The following CPEB4 variants were observed in gnomAD, a reference collection of about 807,000 sequenced individuals.
The protein encoded by CPEB4 is cytoplasmic polyadenylation element-binding protein 4.
Under a neutral mutation model 72.5 loss-of-function variants are expected in CPEB4, and 12 were observed. That is an observed-to-expected ratio of 0.17 (90% CI 0.11 to 0.27). The LOEUF is 0.27. Ranked by LOEUF, CPEB4 falls within the 10% of genes least tolerant of loss-of-function variation. The probability of loss-of-function intolerance (pLI) is 1.00; values close to 1 mark genes in which losing one functional copy is unlikely to be tolerated. For missense variants in CPEB4, 614 were observed against 908.5 expected (o/e 0.68, Z 4.17); for synonymous variants, 302 against 326.3 (o/e 0.93, Z 0.80).
At chr5:173,911,424 G>A (rs1002489165) in intron 2 of CPEB4, among the ~76,000 whole-genome samples, 23 of 151,934 alleles carry the variant, frequency 1.5e-4, no homozygotes, top group Non-Finnish European at 3.1e-4. Context: ...TACCACGCCC[G>A]GCTCATTTTT....
intron 4 of CPEB4, 140 bp downstream of exon 4, chr5:173,943,189 T>A: frequency 1.3e-6 from 1 of 775,570 alleles, no homozygotes; most frequent in Non-Finnish European, 2.0e-6. Flanking sequence ...GTGTTACAGT[T>A]AACATTTTAG....
chr5:173,931,560 G>A (rs1245535232), intron 2 of CPEB4, among the ~76,000 whole-genome samples: 1 of 152,206 alleles, frequency 6.6e-6, no homozygotes, highest in Non-Finnish European at 1.5e-5. Flanking sequence ...CAAGGTGGGT[G>A]CAGATGGCAT....
chr5:173,914,956 G>A (rs1756812175), intron 2 of CPEB4, among the ~76,000 whole-genome samples: 2 of 151,988 alleles, frequency 1.3e-5, no homozygotes, highest in South Asian at 4.2e-4. Context: ...TTCCTCATAG[G>A]TATGCAGTTT....
At chr5:173,901,769 A>T (rs1756242218) in intron 1 of CPEB4, among the ~76,000 whole-genome samples, 1 of 152,224 alleles carries the variant, frequency 6.6e-6, no homozygotes, top group Admixed American at 6.5e-5. Context: ...ATGTTATGTA[A>T]TTCATGTAAG....
In CPEB4 at chr5:173,950,123, T is replaced by C; in HGVS notation, c.1665+45T>C. The C allele has an allele frequency of 1.2e-5, 14 of 1,176,122 alleles. No individual in the cohort carries two copies. The highest frequency in any genetic ancestry group is 1.7e-5 in the Non-Finnish European group (14 of 803,174). 72.9% of individuals were successfully genotyped at this position (1,176,122 alleles called of 1,614,324 possible). A position where few individuals can be genotyped will look rare whatever the true frequency, so the allele number is the denominator to read the frequency against. ...AAATAGCTTCTTGTTTTTGCCTCCA[T>C]TCATCTGTTATATTTGAAAAACCCA... On this transcript the variant is annotated intron_variant, in intron 7 of 9. Coordinates refer to ENST00000265085, the MANE Select transcript of CPEB4 (RefSeq NM_030627.4). This position sits in a 1 kb window ranked among gnomAD's most constrained non-coding sequence, Gnocchi z 5.0.
At chr5:173,947,790 A>T (rs969672414) in intron 5 of CPEB4, among the ~76,000 whole-genome samples, 2 of 152,196 alleles carry the variant, frequency 1.3e-5, no homozygotes, top group African/African-American at 4.8e-5. Context: ...AGCAGTGAGC[A>T]TATAGAGCAC....
intron 1 of CPEB4, among the ~76,000 whole-genome samples, chr5:173,896,639 A>G (rs1339387091): frequency 1.3e-5 from 2 of 152,276 alleles, no homozygotes; most frequent in African/African-American, 4.8e-5. Flanking sequence ...ATTATTTACT[A>G]TATGAAGCTG....
intron 2 of CPEB4, among the ~76,000 whole-genome samples, chr5:173,930,677 A>G (rs1053296708): frequency 2.8e-4 from 42 of 151,996 alleles, no homozygotes; most frequent in Non-Finnish European, 5.6e-4. Context: ...AAATCCTTTC[A>G]TTTGGTTTTA....
At chr5:173,947,871 C>T (rs143738850) in intron 5 of CPEB4, among the ~76,000 whole-genome samples, 3 of 152,074 alleles carry the variant, frequency 2.0e-5, no homozygotes, top group African/African-American at 4.8e-5. Flanking sequence ...ATGACTGATT[C>T]TTGGGCTGGG....
chr5:173,918,903 C>G (rs889589014), intron 2 of CPEB4, among the ~76,000 whole-genome samples: 1 of 152,126 alleles, frequency 6.6e-6, no homozygotes, highest in East Asian at 1.9e-4. Context: ...TATTTTGAGG[C>G]CATGAAAATC....
intron 1 of CPEB4, among the ~76,000 whole-genome samples, chr5:173,899,222 C>T (rs1419620142): frequency 6.6e-6 from 1 of 152,158 alleles, no homozygotes; most frequent in African/African-American, 2.4e-5. Flanking sequence ...CTGGCTTCAA[C>T]AATTATCAGC....
chr5:173,938,029 G>A (rs747703629), intron 3 of CPEB4, among the ~76,000 whole-genome samples: 1 of 152,124 alleles, frequency 6.6e-6, no homozygotes, highest in African/African-American at 2.4e-5. Context: ...TTGTTGAATC[G>A]TATGCTTTGG....
Position 173,889,486 on chromosome 5 carries a change from T to TA in CPEB4, c.-243dup, listed in dbSNP as rs1032689536. The stretch of plus-strand genomic sequence containing the variant: ...TACCCTCTTCATTTTTATTCCCTCC[T>TA]AAAAATAAGCCCAATTGGATCCAAG... On this transcript the variant is annotated 5_prime_UTR_variant, in exon 1 of 10. Transcript: ENST00000265085. 1.9e-5 allele frequency: 7 copies of TA among 377,520 alleles called. No homozygotes were observed. The Admixed American group carries it at 2.9e-4, about 16-fold the overall frequency. 23.4% of individuals were successfully genotyped at this position (377,520 alleles called of 1,614,324 possible).
rs146628488 is a variant in CPEB4, at chr5:173,889,853, C to T, written c.120C>T (p.Ser40=). 82 of 1,614,204 alleles carry T rather than the reference C, an allele frequency of 5.1e-5. No homozygotes were observed. In the East Asian group the frequency reaches 1.6e-3, roughly 32 times the overall value. The stretch of plus-strand genomic sequence containing the variant: ...ACCATCACCAAAATGCCACCCCCAG[C>T]CCTGCTGCTTTTATAAATAATAACA... ...PPHHHQNATP[S]PAAFINNNTA... Residue 40 remains serine (S), a synonymous_variant, in exon 1 of 10, where the codon AGC becomes AGT. Coordinates refer to ENST00000265085, the MANE Select transcript of CPEB4 (RefSeq NM_030627.4).
chr5:173,949,453 C>A, intron 5 of CPEB4, 55 bp from the exon 6 acceptor site: 1 of 1,340,824 alleles, frequency 7.5e-7, no homozygotes, highest in Non-Finnish European at 1.1e-6. Flanking sequence ...GAAAAACTTT[C>A]AAAAAATGAT....
chr5:173,947,217 A>C (rs1227039828), intron 5 of CPEB4, among the ~76,000 whole-genome samples: 1 of 152,142 alleles, frequency 6.6e-6, no homozygotes, highest in African/African-American at 2.4e-5. Context: ...TAGTGTCCAA[A>C]TGTATAATGT....
rs1022744019 is a variant in CPEB4, at chr5:173,890,037, C to G, written c.304C>G (p.Gln102Glu). The change falls in exon 1 of 10, where the codon CAG (glutamine) becomes GAG (glutamate). Residue 102 changes from glutamine to glutamate, a missense_variant. Coordinates refer to ENST00000265085, the MANE Select transcript of CPEB4 (RefSeq NM_030627.4). Reference protein sequence around the residue: ...EKQQLSPSPGQEAGILPETEK... With the variant: ...EKQQLSPSPGEEAGILPETEK... ...GCAGCAGCTTTCCCCAAGTCCAGGTCAGGAAGCTGGAATACTGCCTGAAAC... is the reference window on the plus strand; with the variant it reads ...GCAGCAGCTTTCCCCAAGTCCAGGTGAGGAAGCTGGAATACTGCCTGAAAC... 6.2e-7 allele frequency: 1 copy of G among 1,614,124 alleles called. No individual in the cohort carries two copies. Among genetic ancestry groups the G allele is most frequent in the African/African-American group, 1.3e-5 (1 of 75,028 alleles).
chr5:173,888,350 C>G lies in CPEB4; in HGVS notation c.-1384C>G. 2 of 404,524 alleles carry G rather than the reference C, an allele frequency of 4.9e-6. No individual in the cohort carries two copies. The highest frequency in any genetic ancestry group is 2.1e-5 in the African/African-American group (1 of 48,654). 25.1% of individuals were successfully genotyped at this position (404,524 alleles called of 1,614,324 possible). ...GTCTTTCCAGCTGGTTGTCATTTCA[C>G]TCGGCTCGGTCCTGAGGAGAAGGAC... On this transcript the variant is annotated 5_prime_UTR_variant, in exon 1 of 10. Coordinates refer to ENST00000265085, the MANE Select transcript of CPEB4 (RefSeq NM_030627.4). This position sits in a 1 kb window ranked among gnomAD's most constrained non-coding sequence, Gnocchi z 4.3.
chr5:173,942,635 T>C (rs578009985), intron 3 of CPEB4, among the ~76,000 whole-genome samples: 2 of 152,368 alleles, frequency 1.3e-5, no homozygotes, highest in East Asian at 3.9e-4. Flanking sequence ...ATGAATTAAA[T>C]ATTGGTATAT....
Sources: allele counts gnomAD v4.1 joint callset (sites outside exome capture counted in the v4.1 genomes callset), GRCh38; gene constraint gnomAD v4.1.1; non-coding constraint Gnocchi (gnomAD v3.1); transcripts MANE v1.5; gene names NCBI Gene and HGNC (gene_info 2026-07-23, HGNC 2026-07-21).